Variants in RGS6 observed in about 807,000 individuals in gnomAD.
The protein encoded by RGS6 is regulator of G-protein signaling 6.
RGS6 carries 30 observed loss-of-function variants against 78.5 expected under a neutral mutation model. That is an observed-to-expected ratio of 0.38 (90% CI 0.29 to 0.52). The LOEUF is 0.52. Among genes scored for constraint, RGS6 ranks in the 20% least tolerant of loss-of-function variants. The pLI is 0.85. For missense variants in RGS6, 495 were observed against 609.7 expected (o/e 0.81, Z 1.98); for synonymous variants, 206 against 206.0 (o/e 1.00, Z 0.00).
At chr14:72,498,115 A>G (rs1038849889) in intron 13 of RGS6, among the ~76,000 whole-genome samples, 2 of 152,126 alleles carry the variant, frequency 1.3e-5, no homozygotes, top group Admixed American at 1.3e-4. Context: ...GTGGTTGATA[A>G]TCAAGCTTTT....
intron 2 of RGS6, among the ~76,000 whole-genome samples, chr14:72,234,430 A>G (rs961441691): frequency 2.6e-5 from 4 of 152,170 alleles, no homozygotes; most frequent in African/African-American, 9.7e-5. Flanking sequence ...AAAAAAAACA[A>G]TTCTGTGAAC....
chr14:72,083,123 GAAAACTT>G (rs1389937619), intron 2 of RGS6, among the ~76,000 whole-genome samples: 3 of 152,096 alleles, frequency 2.0e-5, no homozygotes, highest in Non-Finnish European at 4.4e-5. Flanking sequence ...AATCTCCCTA[GAAAACTT>G]GCCTATAAGG....
the RGS6 span, among the ~76,000 whole-genome samples, chr14:72,572,613 A>C: frequency 6.6e-6 from 1 of 152,238 alleles, no homozygotes; most frequent in Non-Finnish European, 1.5e-5. Context: ...ATAGAGACAG[A>C]AAGTAGACTA....
At chr14:72,489,156 GC>G (rs35147203) in intron 12 of RGS6, among the ~76,000 whole-genome samples, 1 of 142,000 alleles carries the variant, frequency 7.0e-6, no homozygotes, top group African/African-American at 2.6e-5. Context: ...GACAAAGGGG[GC>G]CCCCCCACCG....
At chr14:72,237,274 C>G (rs989215250) in intron 2 of RGS6, among the ~76,000 whole-genome samples, 1 of 152,246 alleles carries the variant, frequency 6.6e-6, no homozygotes, top group East Asian at 1.9e-4. Flanking sequence ...TGCGCTGTTT[C>G]CAGTTTGCAG....
At chr14:72,531,108 G>C (rs540784438) in intron 15 of RGS6, among the ~76,000 whole-genome samples, 28 of 152,124 alleles carry the variant, frequency 1.8e-4, no homozygotes, top group Non-Finnish European at 3.8e-4. Flanking sequence ...ATCAGAATAC[G>C]TCTGGACTAT....
chr14:72,185,092 C>G (rs1434141231), intron 2 of RGS6, among the ~76,000 whole-genome samples: 2 of 152,184 alleles, frequency 1.3e-5, no homozygotes. Context: ...AACTTGGAGT[C>G]TGATGTTCAA....
At chr14:72,304,335 C>T (rs760375945) in intron 2 of RGS6, among the ~76,000 whole-genome samples, 1 of 152,202 alleles carries the variant, frequency 6.6e-6, no homozygotes, top group East Asian at 1.9e-4. Context: ...GTGATTAGAA[C>T]TAGTCCATAT....
intron 2 of RGS6, among the ~76,000 whole-genome samples, chr14:72,130,518 C>CAGT (rs1184278326): frequency 4.6e-5 from 7 of 152,236 alleles, no homozygotes; most frequent in African/African-American, 1.7e-4. Flanking sequence ...CATAAAGATA[C>CAGT]AGCTCAAAGG....
At chr14:72,026,730 G>T (rs910281533) in intron 2 of RGS6, among the ~76,000 whole-genome samples, 14 of 152,216 alleles carry the variant, frequency 9.2e-5, no homozygotes, top group African/African-American at 3.4e-4. Flanking sequence ...TGTTTGGCCA[G>T]CATAGCTCTC....
chr14:72,038,801 T>G (rs4899420), intron 2 of RGS6, among the ~76,000 whole-genome samples: 146,453 of 152,294 alleles, frequency 0.96, 70,477 homozygotes, highest in African/African-American at 0.99. Flanking sequence ...TGTAGGAGGT[T>G]TGTATGTATG....
intron 2 of RGS6, among the ~76,000 whole-genome samples, chr14:72,167,770 AC>A (rs1389944847): frequency 6.6e-6 from 1 of 152,240 alleles, no homozygotes; most frequent in African/African-American, 2.4e-5. Flanking sequence ...GCAAATAAAA[AC>A]ATTATCACCA....
At chr14:71,890,360 G>GAC in the RGS6 span, among the ~76,000 whole-genome samples, 430 of 147,906 alleles carry the variant, frequency 2.9e-3, 4 homozygotes, top group African/African-American at 9.6e-3. Flanking sequence ...GCATAAGACA[G>GAC]AGAGAGAGAG....
downstream of RGS6, among the ~76,000 whole-genome samples, chr14:72,569,654 G>A (rs181597079): frequency 4.3e-3 from 606 of 141,756 alleles, 3 homozygotes; most frequent in Admixed American, 5.8e-3. Context: ...CTGGCTGGGC[G>A]ACAGAGTGAG....
intron 3 of RGS6, among the ~76,000 whole-genome samples, chr14:72,393,119 T>C (rs1356265523): frequency 6.6e-6 from 1 of 152,174 alleles, no homozygotes; most frequent in Non-Finnish European, 1.5e-5. Flanking sequence ...TCTGCTTAGA[T>C]AGAAGGGATG....
intron 3 of RGS6, among the ~76,000 whole-genome samples, chr14:72,449,228 A>G (rs954781881): frequency 3.3e-5 from 5 of 152,230 alleles, no homozygotes; most frequent in Non-Finnish European, 5.9e-5. Context: ...TACTCAAAAG[A>G]AAGTGTCTTT....
intron 3 of RGS6, among the ~76,000 whole-genome samples, chr14:72,391,705 C>T (rs1315927268): frequency 2.6e-5 from 4 of 152,206 alleles, no homozygotes; most frequent in Non-Finnish European, 4.4e-5. Context: ...CCCATCAACT[C>T]GTCATTTACA....
At chr14:72,608,736 G>A in the RGS6 span, among the ~76,000 whole-genome samples, 4 of 152,186 alleles carry the variant, frequency 2.6e-5, no homozygotes, top group Admixed American at 2.6e-4. Context: ...AAGCTGTCAC[G>A]GTGACTGTGG....
At chr14:72,260,478 AGCTCTAG>A (rs2057953366) in intron 2 of RGS6, among the ~76,000 whole-genome samples, 2 of 152,246 alleles carry the variant, frequency 1.3e-5, no homozygotes, top group Non-Finnish European at 2.9e-5. Context: ...CCACCATCAC[AGCTCTAG>A]CCAACATTAG....
Sources: gnomAD v4.1 joint callset for allele counts (sites outside exome capture counted in the v4.1 genomes callset) on GRCh38, gnomAD v4.1.1 for gene constraint, MANE v1.5 for transcripts, NCBI Gene and HGNC (gene_info 2026-07-23, HGNC 2026-07-21) for gene names.